The following TMEM114 variants were observed in gnomAD, a reference collection of about 807,000 sequenced individuals.
TMEM114 encodes transmembrane protein 114.
TMEM114 carries 6 observed loss-of-function variants against 6.2 expected under a neutral mutation model. That is an observed-to-expected ratio of 0.97 (90% CI 0.53 to 1.91). TMEM114 has a LOEUF of 1.91. Ranked by LOEUF, TMEM114 falls within the 40% of genes most tolerant of loss-of-function variation. The probability of loss-of-function intolerance (pLI) is 0.01; values close to 1 mark genes in which losing one functional copy is unlikely to be tolerated. For missense variants in TMEM114, 218 were observed against 158.3 expected (o/e 1.38, Z -2.02); for synonymous variants, 104 against 73.0 (o/e 1.42, Z -2.16).
intron 2 of TMEM114, among the ~76,000 whole-genome samples, chr16:8,538,986 G>A (rs554142173): frequency 6.6e-6 from 1 of 152,204 alleles, no homozygotes; most frequent in African/African-American, 2.4e-5. Context: ...TCAAATGCCT[G>A]GAATAAAAGG....
intron 2 of TMEM114, among the ~76,000 whole-genome samples, chr16:8,553,343 G>A (rs976922450): frequency 1.3e-5 from 2 of 152,198 alleles, no homozygotes; most frequent in African/African-American, 4.8e-5. Context: ...AAGTCTTTCA[G>A]GAGAACGAAA....
downstream of TMEM114, among the ~76,000 whole-genome samples, chr16:8,567,575 G>T (rs919087447): frequency 6.6e-6 from 1 of 152,150 alleles, no homozygotes; most frequent in Non-Finnish European, 1.5e-5. Flanking sequence ...GATGCGAGGA[G>T]CATCCCTGGC....
intron 3 of TMEM114, 47 bp from the exon 4 acceptor site, chr16:8,570,052 C>G: frequency 6.6e-7 from 1 of 1,514,630 alleles, no homozygotes; most frequent in Non-Finnish European, 8.9e-7. Flanking sequence ...CACCCCGCCC[C>G]AGCACTCCCC....
At chr16:8,543,088 C>T (rs1900561234) in intron 2 of TMEM114, among the ~76,000 whole-genome samples, 1 of 152,024 alleles carries the variant, frequency 6.6e-6, no homozygotes, top group Admixed American at 6.6e-5. Context: ...TTAATTTTTC[C>T]CCCTTTCAGC....
At chr16:8,541,409 A>T (rs1900512667) in intron 2 of TMEM114, among the ~76,000 whole-genome samples, 1 of 152,024 alleles carries the variant, frequency 6.6e-6, no homozygotes, top group African/African-American at 2.4e-5. Flanking sequence ...ACTGGATAAT[A>T]TCTCAGGATA....
intron 2 of TMEM114, among the ~76,000 whole-genome samples, chr16:8,580,943 C>T (rs1293116495): frequency 6.6e-6 from 1 of 152,138 alleles, no homozygotes; most frequent in African/African-American, 2.4e-5. Context: ...CCACCTGCCT[C>T]GGCCTCCCAA....
At chr16:8,571,392 C>T (rs1378638955) in intron 3 of TMEM114, among the ~76,000 whole-genome samples, 1 of 152,176 alleles carries the variant, frequency 6.6e-6, no homozygotes, top group Non-Finnish European at 1.5e-5. Context: ...CTCGGTCAAA[C>T]TATTCAACAC....
At chr16:8,572,346 G>A (rs1468431288) in intron 2 of TMEM114, 122 bp from the exon 3 acceptor site, 6 of 1,025,860 alleles carry the variant, frequency 5.8e-6, no homozygotes, top group African/African-American at 3.2e-5. Flanking sequence ...CTGCCCCTAC[G>A]ACGATTACTT....
intron 2 of TMEM114, among the ~76,000 whole-genome samples, chr16:8,559,432 C>G (rs1446822557): frequency 6.6e-6 from 1 of 152,094 alleles, no homozygotes; most frequent in Admixed American, 6.6e-5. Context: ...ATGGCTGCTT[C>G]AAGCATTACA....
intron 2 of TMEM114, among the ~76,000 whole-genome samples, chr16:8,585,090 C>A (rs968055431): frequency 6.6e-6 from 1 of 152,042 alleles, no homozygotes. Context: ...AGCAAAGTCA[C>A]GTCTTACATG....
downstream of TMEM114, among the ~76,000 whole-genome samples, chr16:8,567,521 G>A (rs569769990): frequency 6.6e-6 from 1 of 152,324 alleles, no homozygotes; most frequent in South Asian, 2.1e-4. Flanking sequence ...GTCTCAGCAT[G>A]TCCCAAGGTG....
downstream of TMEM114, among the ~76,000 whole-genome samples, chr16:8,568,888 C>G (rs1019628154): frequency 6.6e-6 from 1 of 152,236 alleles, no homozygotes; most frequent in Non-Finnish European, 1.5e-5. Context: ...CTAAGAGCAG[C>G]AAGATGACAA....
At chr16:8,575,959 G>A (rs1901910566) in intron 2 of TMEM114, among the ~76,000 whole-genome samples, 1 of 152,202 alleles carries the variant, frequency 6.6e-6, no homozygotes, top group Non-Finnish European at 1.5e-5. Flanking sequence ...GTGATGGAGA[G>A]AAAGAAAGAA....
chr16:8,571,740 C>A (rs1027294382), intron 3 of TMEM114, among the ~76,000 whole-genome samples: 1 of 152,138 alleles, frequency 6.6e-6, no homozygotes, highest in East Asian at 1.9e-4. Flanking sequence ...AATGGCTGAT[C>A]AGCAGAATAG....
chr16:8,547,328 T>A (rs1272144613), intron 2 of TMEM114, among the ~76,000 whole-genome samples: 1 of 152,042 alleles, frequency 6.6e-6, no homozygotes, highest in Admixed American at 6.5e-5. Context: ...GTGGAGGCCC[T>A]TCCTTGTCCT....
intron 2 of TMEM114, among the ~76,000 whole-genome samples, chr16:8,557,459 C>G (rs1482384409): frequency 1.3e-5 from 2 of 152,166 alleles, no homozygotes; most frequent in South Asian, 2.1e-4. Context: ...TGTTCCAGCT[C>G]CAGCTACTGC....
intron 3 of TMEM114, among the ~76,000 whole-genome samples, chr16:8,571,709 G>C (rs1015548118): frequency 2.0e-5 from 3 of 151,784 alleles, no homozygotes; most frequent in Admixed American, 6.6e-5. Flanking sequence ...TTTTTTAGTC[G>C]ATCAAAGCAG....
At chr16:8,528,043 G>T in the TMEM114 span, among the ~76,000 whole-genome samples, 1 of 152,092 alleles carries the variant, frequency 6.6e-6, no homozygotes, top group Non-Finnish European at 1.5e-5. Context: ...TGCGTAGCTG[G>T]GATCACAGGC....
the TMEM114 span, among the ~76,000 whole-genome samples, chr16:8,527,615 AG>A: frequency 6.6e-6 from 1 of 152,114 alleles, no homozygotes; most frequent in Non-Finnish European, 1.5e-5. Flanking sequence ...GCCTGTACTA[AG>A]CCCCTTTCTT....
Sources: allele counts gnomAD v4.1 joint callset (sites outside exome capture counted in the v4.1 genomes callset), GRCh38; gene constraint gnomAD v4.1.1; transcripts MANE v1.5; gene names NCBI Gene and HGNC (gene_info 2026-07-23, HGNC 2026-07-21).